The following DNAH2 variants were observed in gnomAD, a reference collection of about 807,000 sequenced individuals.
DNAH2 encodes the protein axonemal beta dynein heavy chain 2.
In DNAH2, 323 loss-of-function variants were observed where a neutral mutation model predicts 523.5. The ratio of observed to expected loss-of-function variants is 0.62; its 90% CI spans 0.56 to 0.68. The LOEUF (loss-of-function observed/expected upper bound fraction) is 0.68, where lower values mean the gene tolerates loss of function less well. Ranked by LOEUF, DNAH2 falls within the 30% of genes least tolerant of loss-of-function variation. The probability of loss-of-function intolerance (pLI) is 0.00; values close to 1 mark genes in which losing one functional copy is unlikely to be tolerated. For synonymous variants in DNAH2, 2,093 were observed against 2,177.4 expected, an observed-to-expected ratio of 0.96 and a Z score of 1.08; for missense variants, 4,907 against 5,701.5, an observed-to-expected ratio of 0.86 and a Z score of 4.49.
chr17:7,822,885 C>CAGCAG (rs1236506479), intron 73 of DNAH2, among the ~76,000 whole-genome samples: 6 of 152,150 alleles, frequency 3.9e-5, no homozygotes, highest in African/African-American at 1.4e-4. Context: ...ACCAGGCAAC[C>CAGCAG]AGCAGAGGGC....
At chr17:7,765,009 T>C (rs1022119140) in intron 20 of DNAH2, among the ~76,000 whole-genome samples, 2 of 151,950 alleles carry the variant, frequency 1.3e-5, no homozygotes, top group Non-Finnish European at 2.9e-5. Flanking sequence ...TCCTCCCACC[T>C]TGGCCTCCCA....
intron 10 of DNAH2, 107 bp from the exon 11 acceptor site, chr17:7,740,703 C>G (rs2075287290): frequency 3.3e-6 from 5 of 1,532,800 alleles, no homozygotes; most frequent in Non-Finnish European, 4.4e-6. Context: ...TTCGGCGTCC[C>G]CGGGAGTGTG....
In DNAH2 at chr17:7,797,429, C is replaced by G. The variant is rs780272752; in HGVS notation, c.7979C>G (p.Ala2660Gly). Residue 2660 changes from alanine to glycine, a missense_variant, in exon 52 of 86, where the codon GCA becomes GGA. By Grantham distance (60) the Ala-to-Gly change is moderately conservative. This residue lies in a region of DNAH2 where 250 missense variants were observed against 371.3 expected (regional missense o/e 0.67). Transcript: ENST00000572933. The stretch of plus-strand genomic sequence containing the variant: ...TTCTCTGACCGGCTGGTTGATGCGG[C>G]AGACACAGAAGCCTTCATGGGCATC... ...RVFSDRLVDAADTEAFMGIIS... is the reference protein window; with the variant it reads ...RVFSDRLVDAGDTEAFMGIIS... The G allele has an allele frequency of 4.3e-6, 7 of 1,614,142 alleles. No homozygotes were observed. Among genetic ancestry groups the G allele is most frequent in the African/African-American group, 1.3e-5 (1 of 75,028 alleles).
intron 77 of DNAH2, among the ~76,000 whole-genome samples, chr17:7,827,501 A>G (rs2078051883): frequency 6.6e-6 from 1 of 152,060 alleles, no homozygotes; most frequent in Admixed American, 6.5e-5. Flanking sequence ...GCTAGAGTGC[A>G]GTGGCGTGAT....
At chr17:7,783,163 C>T (rs1049677310) in intron 39 of DNAH2, among the ~76,000 whole-genome samples, 6 of 152,194 alleles carry the variant, frequency 3.9e-5, no homozygotes, top group South Asian at 2.1e-4. Flanking sequence ...CCGCAACCTC[C>T]GCCTCCCAGG....
In DNAH2 at chr17:7,759,599, A is replaced by T. The variant is rs780671329; in HGVS notation, c.2626A>T (p.Ser876Cys). Residue 876 changes from serine to cysteine, a missense_variant, in exon 16 of 86, where the codon AGT becomes TGT. This residue lies in a region of DNAH2 where 2,806 missense variants were observed against 3,190.8 expected (regional missense o/e 0.88). Transcript: ENST00000572933. ...LVILKNDLQG[S>C]VAQVEFSPTL... ...CATTTTGAAGAATGATCTGCAAGGAAGTGTGGCACAGGTAAGAACCACTTT... is the reference window on the plus strand; with the variant it reads ...CATTTTGAAGAATGATCTGCAAGGATGTGTGGCACAGGTAAGAACCACTTT... 1 of 1,613,858 alleles carries T rather than the reference A, an allele frequency of 6.2e-7. No homozygotes were observed. Among genetic ancestry groups the T allele is most frequent in the Non-Finnish European group, 8.5e-7 (1 of 1,179,854 alleles).
chr17:7,761,080 G>T, intron 18 of DNAH2, 148 bp downstream of exon 18: 1 of 1,021,042 alleles, frequency 9.8e-7, no homozygotes, highest in Non-Finnish European at 1.4e-6. Flanking sequence ...CTAGGACATT[G>T]GACCTTTGCT....
chr17:7,720,844 G>A (rs974198351), intron 2 of DNAH2, among the ~76,000 whole-genome samples: 20 of 151,958 alleles, frequency 1.3e-4, no homozygotes, highest in Admixed American at 6.6e-4. Flanking sequence ...GGGATTGCTC[G>A]CTGCTAGGAG....
At chr17:7,789,035 G>A (rs867842240) in intron 44 of DNAH2, among the ~76,000 whole-genome samples, 4 of 152,130 alleles carry the variant, frequency 2.6e-5, no homozygotes, top group East Asian at 1.9e-4. Context: ...GTGGTGGCAC[G>A]TGCCTGTAGT....
intron 39 of DNAH2, among the ~76,000 whole-genome samples, chr17:7,782,214 C>T (rs1447793405): frequency 6.6e-6 from 1 of 152,104 alleles, no homozygotes; most frequent in African/African-American, 2.4e-5. Flanking sequence ...AACCCCAGTC[C>T]CCAAGGGGCA....
intron 73 of DNAH2, among the ~76,000 whole-genome samples, chr17:7,822,807 ATGAG>A (rs2077894671): frequency 6.6e-6 from 1 of 152,176 alleles, no homozygotes; most frequent in East Asian, 1.9e-4. Context: ...GAGTGAATGA[ATGAG>A]TAAATAGTTT....
intron 28 of DNAH2, among the ~76,000 whole-genome samples, chr17:7,772,450 T>C (rs745762510): frequency 6.6e-6 from 1 of 152,168 alleles, no homozygotes; most frequent in Non-Finnish European, 1.5e-5. Flanking sequence ...AATGATCCCT[T>C]TGTTGAATGC....
At position 7,768,072 on chromosome 17, in the gene DNAH2, A is replaced by T. The variant is rs2076218704; in HGVS notation, c.3837+11A>T. ...GCCAAAGAGTATAAGGTGGGGAGAA[A>T]CGGCGGGGAGGCGGAAGAGAAGCTG... On this transcript the variant is annotated intron_variant, in intron 23 of 85. Transcript: ENST00000572933. 2 of 1,614,140 alleles carry T rather than the reference A, an allele frequency of 1.2e-6. No individual in the cohort carries two copies. The highest frequency in any genetic ancestry group is 1.3e-5 in the African/African-American group (1 of 75,038).
At chr17:7,758,419 C>T (rs2075904572) in intron 13 of DNAH2, 76 bp from the exon 14 acceptor site, 1 of 1,520,272 alleles carries the variant, frequency 6.6e-7, no homozygotes, top group Non-Finnish European at 8.9e-7. Context: ...GTTCACATTT[C>T]TCCACTGTTT....
intron 11 of DNAH2, 51 bp from the exon 12 acceptor site, chr17:7,742,877 C>CAT: frequency 2.4e-6 from 3 of 1,265,370 alleles, no homozygotes; most frequent in Non-Finnish European, 2.0e-6. Flanking sequence ...ATGGTGGCCC[C>CAT]TGGAGGAAGG....
Position 7,787,034 on chromosome 17 carries a change from G to A in DNAH2, c.6603+1G>A. On this transcript the variant is annotated splice_donor_variant, in intron 42 of 85. Transcript: ENST00000572933. LOFTEE classifies it high-confidence loss of function. ...CGAGCGCATCGCGATGCCCGAGCAG[G>A]TCAGGGACGCGGCTGACTCCTGGAG... 6.2e-7 allele frequency: 1 copy of A among 1,613,990 alleles called. No homozygotes were observed. Among genetic ancestry groups the A allele is most frequent in the African/African-American group, 1.3e-5 (1 of 75,072 alleles).
intron 24 of DNAH2, among the ~76,000 whole-genome samples, chr17:7,769,155 C>CT (rs1398212275): frequency 9.7e-4 from 147 of 151,534 alleles, no homozygotes; most frequent in African/African-American, 3.2e-3. Flanking sequence ...AGTCTTATGT[C>CT]TTTTTTTTTC....
chr17:7,801,652 C>T lies in DNAH2; in HGVS notation c.8774C>T (p.Ala2925Val), dbSNP rs1317502872. The stretch of plus-strand genomic sequence containing the variant: ...TGGTTCTCAGAGTGGCCCCAAGAGG[C>T]CCTGCTCGAGGTGGCTGAGAAGTGC... Reference protein sequence around the residue: ...INWFSEWPQEALLEVAEKCLI... With the variant: ...INWFSEWPQEVLLEVAEKCLI... Residue 2925 changes from alanine to valine, a missense_variant, in exon 57 of 86, where the codon GCC becomes GTC. Ala to Val is a moderately conservative substitution (Grantham distance 64). Coordinates refer to ENST00000572933, the MANE Select transcript of DNAH2 (RefSeq NM_020877.5). 2 of 1,614,144 alleles carry T rather than the reference C, an allele frequency of 1.2e-6. No homozygotes were observed. Among genetic ancestry groups the T allele is most frequent in the Non-Finnish European group, 1.7e-6 (2 of 1,180,020 alleles).
At chr17:7,738,905 G>A in intron 8 of DNAH2, 1 of 700,196 alleles carries the variant, frequency 1.4e-6, no homozygotes, top group East Asian at 2.7e-5. Context: ...TTCCAATTCA[G>A]TCGGCCTTTC....
Sources: allele counts gnomAD v4.1 joint callset (sites outside exome capture counted in the v4.1 genomes callset), GRCh38; gene constraint gnomAD v4.1.1; regional missense constraint gnomAD v4.1.1; transcripts MANE v1.5; gene names NCBI Gene and HGNC (gene_info 2026-07-23, HGNC 2026-07-21).